DGKB: variants seen among roughly 807,000 people sequenced by gnomAD.
DGKB encodes diacylglycerol kinase beta, also known as 90 kDa diacylglycerol kinase.
A neutral mutation model predicts 114.3 loss-of-function variants in DGKB; 67 were observed. That is an observed-to-expected ratio of 0.59 (90% CI 0.48 to 0.72). The LOEUF is 0.72. DGKB is among the 30% of genes least tolerant of loss of function. The pLI is 0.00. For synonymous variants in DGKB, 398 were observed against 323.1 expected (o/e 1.23, Z -2.49); for missense variants, 907 against 975.2 (o/e 0.93, Z 0.93).
At chr7:14,296,983 A>T (rs559661825) in intron 23 of DGKB, among the ~76,000 whole-genome samples, 2 of 152,204 alleles carry the variant, frequency 1.3e-5, no homozygotes, top group South Asian at 4.1e-4. Context: ...CTGGACACAT[A>T]CACCCTCCCA....
chr7:14,575,654 T>A (rs1457734281), intron 19 of DGKB, among the ~76,000 whole-genome samples: 3 of 152,200 alleles, frequency 2.0e-5, no homozygotes, highest in Non-Finnish European at 2.9e-5. Flanking sequence ...GATGATACCA[T>A]CAGAATTTGA....
intron 13 of DGKB, among the ~76,000 whole-genome samples, chr7:14,642,176 A>AT (rs201626188): frequency 2.6e-5 from 4 of 151,832 alleles, no homozygotes; most frequent in Admixed American, 6.6e-5. Flanking sequence ...CTAAAACATT[A>AT]TTTTTTTCTA....
chr7:14,246,567 T>A (rs1312977067), intron 23 of DGKB, among the ~76,000 whole-genome samples: 1 of 152,188 alleles, frequency 6.6e-6, no homozygotes, highest in Non-Finnish European at 1.5e-5. Context: ...GAATATACTC[T>A]GTAAGTTTGG....
intron 20 of DGKB, among the ~76,000 whole-genome samples, chr7:14,561,672 A>AT (rs1796680358): frequency 6.6e-6 from 1 of 152,182 alleles, no homozygotes; most frequent in South Asian, 2.1e-4. Flanking sequence ...GATTGGTGGC[A>AT]TTTTGCCCCT....
intron 21 of DGKB, among the ~76,000 whole-genome samples, chr7:14,383,422 T>C (rs1184446427): frequency 1.3e-5 from 2 of 152,182 alleles, no homozygotes; most frequent in African/African-American, 4.8e-5. Flanking sequence ...TATCATGAAG[T>C]CCAAATCATT....
At chr7:14,529,595 CA>C (rs1309643830) in intron 20 of DGKB, among the ~76,000 whole-genome samples, 1 of 151,470 alleles carries the variant, frequency 6.6e-6, no homozygotes, top group African/African-American at 2.4e-5. Context: ...TGTATTGGAG[CA>C]ATAGTTATAA....
intron 23 of DGKB, among the ~76,000 whole-genome samples, chr7:14,308,519 T>G (rs1035908772): frequency 1.3e-5 from 2 of 152,216 alleles, no homozygotes; most frequent in Admixed American, 6.5e-5. Flanking sequence ...TTGCCAAATT[T>G]TATAATAGAG....
At chr7:14,498,721 T>C (rs1785673299) in intron 20 of DGKB, among the ~76,000 whole-genome samples, 1 of 151,762 alleles carries the variant, frequency 6.6e-6, no homozygotes, top group Non-Finnish European at 1.5e-5. Flanking sequence ...GAAAAGAGAA[T>C]CCAACTAATT....
intron 23 of DGKB, among the ~76,000 whole-genome samples, chr7:14,217,660 G>A (rs1364517062): frequency 6.6e-6 from 1 of 151,764 alleles, no homozygotes; most frequent in East Asian, 1.9e-4. Flanking sequence ...AGCTAAAAGT[G>A]AGATGCAAGT....
chr7:14,343,621 G>T (rs1264677764), intron 22 of DGKB, among the ~76,000 whole-genome samples: 1 of 151,338 alleles, frequency 6.6e-6, no homozygotes, highest in African/African-American at 2.4e-5. Flanking sequence ...GTAAAGGGAG[G>T]TGCAGGAGGA....
intron 13 of DGKB, among the ~76,000 whole-genome samples, chr7:14,638,992 C>A (rs992049654): frequency 2.0e-5 from 3 of 152,032 alleles, no homozygotes; most frequent in African/African-American, 7.2e-5. Flanking sequence ...GAGCTGAGAT[C>A]ACGCCACTGC....
intron 2 of DGKB, among the ~76,000 whole-genome samples, chr7:14,776,878 T>A (rs959021560): frequency 1.1e-4 from 17 of 152,200 alleles, no homozygotes; most frequent in Middle Eastern, 6.8e-3. Context: ...CATCAACAGC[T>A]TGCATCATGT....
chr7:14,365,071 C>T (rs1816433091), intron 21 of DGKB, among the ~76,000 whole-genome samples: 1 of 151,534 alleles, frequency 6.6e-6, no homozygotes, highest in Non-Finnish European at 1.5e-5. Context: ...TTTTTTACGT[C>T]CTCCTAGATA....
At chr7:14,827,893 A>G (rs1221406081) in intron 2 of DGKB, among the ~76,000 whole-genome samples, 1 of 147,114 alleles carries the variant, frequency 6.8e-6, no homozygotes, top group Non-Finnish European at 1.5e-5. Flanking sequence ...TTGAACAAGC[A>G]GTAGATAGAC....
intron 17 of DGKB, among the ~76,000 whole-genome samples, chr7:14,587,583 C>A (rs2128738496): frequency 6.6e-6 from 1 of 152,170 alleles, no homozygotes. Context: ...GCATCACATG[C>A]TAGAGAGAAA....
intron 1 of DGKB, among the ~76,000 whole-genome samples, chr7:14,859,998 T>C (rs1189424493): frequency 6.6e-6 from 1 of 152,070 alleles, no homozygotes; most frequent in African/African-American, 2.4e-5. Context: ...AAGAAGCAAT[T>C]TGATGATACC....
At chr7:14,926,432 C>CT (rs1784756510) in intron 1 of DGKB, among the ~76,000 whole-genome samples, 1 of 150,292 alleles carries the variant, frequency 6.7e-6, no homozygotes, top group Non-Finnish European at 1.5e-5. Flanking sequence ...AGCTAGCCTA[C>CT]TTTTTTTCCA....
At chr7:14,956,011 C>T (rs1362087887) in intron 1 of DGKB, among the ~76,000 whole-genome samples, 1 of 151,882 alleles carries the variant, frequency 6.6e-6, no homozygotes. Context: ...TAAATATGAT[C>T]ATTCTAAGAC....
chr7:14,802,825 C>A lies in DGKB; in HGVS notation c.70+38369G>T, dbSNP rs539721610. 3.3e-5 allele frequency among the ~76,000 whole-genome samples: 5 copies of A among 152,184 alleles called. No individual in the cohort carries two copies. In the South Asian group the frequency reaches 1.0e-3, roughly 32 times the overall value. Reference sequence around the variant, plus strand: ...CATTCCTGAAAGTAAAGTGTCTCTTCGCCTTGCTAATTTTTTATACGTTTA... The same window carrying A: ...CATTCCTGAAAGTAAAGTGTCTCTTAGCCTTGCTAATTTTTTATACGTTTA... On this transcript the variant is annotated intron_variant, in intron 2 of 25. Coordinates refer to ENST00000402815, the MANE Select transcript of DGKB (RefSeq NM_001350709.2).
Sources: allele counts gnomAD v4.1 joint callset (sites outside exome capture counted in the v4.1 genomes callset), GRCh38; gene constraint gnomAD v4.1.1; transcripts MANE v1.5; gene names NCBI Gene and HGNC (gene_info 2026-07-23, HGNC 2026-07-21).